The following SCHIP1 variants were observed in gnomAD, a reference collection of about 807,000 sequenced individuals.
SCHIP1 encodes schwannomin interacting protein 1, also known as schwannomin-interacting protein 1.
Under a neutral mutation model 29.7 loss-of-function variants are expected in SCHIP1, and 8 were observed. The observed-to-expected ratio is 0.27, with a 90% CI of 0.16 to 0.49. The LOEUF (loss-of-function observed/expected upper bound fraction) is 0.49, where lower values mean the gene tolerates loss of function less well. Among genes scored for constraint, SCHIP1 ranks in the 20% least tolerant of loss-of-function variants. The probability of loss-of-function intolerance (pLI) is 0.99; values close to 1 mark genes in which losing one functional copy is unlikely to be tolerated. For missense variants in SCHIP1, 193 were observed against 294.6 expected (o/e 0.66, Z 2.52); for synonymous variants, 76 against 94.9 (o/e 0.80, Z 1.16).
chr3:159,776,311 A>G, the SCHIP1 span, among the ~76,000 whole-genome samples: 3 of 143,910 alleles, frequency 2.1e-5, no homozygotes, highest in East Asian at 6.5e-4. Flanking sequence ...ATTTTGAACA[A>G]CTACATCTTA....
chr3:159,683,483 T>A, the SCHIP1 span, among the ~76,000 whole-genome samples: 1 of 152,160 alleles, frequency 6.6e-6, no homozygotes, highest in Non-Finnish European at 1.5e-5. Context: ...AGCTTCTAGA[T>A]TTTTCGTGCC....
chr3:159,285,497 A>G, the SCHIP1 span, among the ~76,000 whole-genome samples: 3 of 152,132 alleles, frequency 2.0e-5, no homozygotes, highest in African/African-American at 7.2e-5. Flanking sequence ...TTCACTAATC[A>G]AGAGCTCATT....
At chr3:159,594,788 T>A in the SCHIP1 span, among the ~76,000 whole-genome samples, 1 of 152,172 alleles carries the variant, frequency 6.6e-6, no homozygotes, top group Non-Finnish European at 1.5e-5. Flanking sequence ...ATACACAAAT[T>A]GTTCAGTCTG....
chr3:159,617,579 C>T, the SCHIP1 span, among the ~76,000 whole-genome samples: 2 of 152,168 alleles, frequency 1.3e-5, no homozygotes, highest in African/African-American at 4.8e-5. Context: ...GAGATTTTAT[C>T]TGCATAATAA....
intron 1 of SCHIP1, among the ~76,000 whole-genome samples, chr3:159,843,546 C>T (rs1262501812): frequency 2.2e-4 from 33 of 151,762 alleles, no homozygotes; most frequent in Admixed American, 2.2e-3. Flanking sequence ...TAAGGCAGGG[C>T]GTGGTGGCTC....
chr3:159,821,535 A>G, the SCHIP1 span, among the ~76,000 whole-genome samples: 1 of 152,216 alleles, frequency 6.6e-6, no homozygotes. Flanking sequence ...GTTTCTGTCC[A>G]TGTCTTCAAC....
chr3:159,465,656 A>G, the SCHIP1 span, among the ~76,000 whole-genome samples: 18 of 152,280 alleles, frequency 1.2e-4, no homozygotes, highest in African/African-American at 4.3e-4. Flanking sequence ...ACACTTAAAC[A>G]TTGATTTTAT....
the SCHIP1 span, among the ~76,000 whole-genome samples, chr3:159,349,656 C>A: frequency 6.6e-6 from 1 of 152,148 alleles, no homozygotes; most frequent in African/African-American, 2.4e-5. Context: ...TAAATAGCTT[C>A]TATCAAATAC....
chr3:159,467,710 G>A, the SCHIP1 span, among the ~76,000 whole-genome samples: 1 of 152,088 alleles, frequency 6.6e-6, no homozygotes, highest in African/African-American at 2.4e-5. Flanking sequence ...ATTGTATAAA[G>A]TCTTGCCAAT....
the SCHIP1 span, among the ~76,000 whole-genome samples, chr3:159,825,748 C>T: frequency 1.3e-5 from 2 of 151,906 alleles, no homozygotes; most frequent in Non-Finnish European, 2.9e-5. Flanking sequence ...AGCAAATCAA[C>T]GTTACAAATC....
At chr3:159,849,595 A>G (rs1577426240) in intron 1 of SCHIP1, among the ~76,000 whole-genome samples, 1 of 152,122 alleles carries the variant, frequency 6.6e-6, no homozygotes, top group African/African-American at 2.4e-5. Flanking sequence ...AGCCATTTGT[A>G]TGGTCTTTAG....
At chr3:159,344,251 G>C in the SCHIP1 span, among the ~76,000 whole-genome samples, 2 of 151,704 alleles carry the variant, frequency 1.3e-5, no homozygotes, top group Non-Finnish European at 2.9e-5. Flanking sequence ...AACCCAGGGG[G>C]CGGAGGTTGC....
the SCHIP1 span, among the ~76,000 whole-genome samples, chr3:159,725,974 G>A: frequency 6.6e-6 from 1 of 152,136 alleles, no homozygotes; most frequent in African/African-American, 2.4e-5. Flanking sequence ...GGATGATGGT[G>A]CTATACTACT....
At chr3:159,590,588 T>A in the SCHIP1 span, among the ~76,000 whole-genome samples, 1 of 145,414 alleles carries the variant, frequency 6.9e-6, no homozygotes. Context: ...AAAAAATAAA[T>A]AAAAATAAAG....
chr3:159,623,797 C>CCTA, the SCHIP1 span, among the ~76,000 whole-genome samples: 27,354 of 151,852 alleles, frequency 0.18, 7,078 homozygotes, highest in African/African-American at 0.57. Context: ...CCCATAAAAC[C>CCTA]CTAGGATCAC....
the SCHIP1 span, among the ~76,000 whole-genome samples, chr3:159,380,725 G>C: frequency 6.6e-6 from 1 of 151,994 alleles, no homozygotes; most frequent in African/African-American, 2.4e-5. Flanking sequence ...ATTGTCCCAG[G>C]GTTACAGATG....
the SCHIP1 span, among the ~76,000 whole-genome samples, chr3:159,819,881 C>T: frequency 1.3e-5 from 2 of 152,338 alleles, no homozygotes; most frequent in African/African-American, 4.8e-5. Flanking sequence ...CTTCCATCTT[C>T]CTGTCACCCT....
At chr3:159,698,670 G>T in the SCHIP1 span, among the ~76,000 whole-genome samples, 58 of 151,832 alleles carry the variant, frequency 3.8e-4, no homozygotes, top group African/African-American at 1.3e-3. Flanking sequence ...GCAGGGTCTT[G>T]CTCAGTCACC....
At chr3:159,304,043 C>T in the SCHIP1 span, among the ~76,000 whole-genome samples, 8 of 141,330 alleles carry the variant, frequency 5.7e-5, no homozygotes, top group East Asian at 2.3e-4. Flanking sequence ...CCCCAGAGTG[C>T]GATGTTCCCC....
Sources: gnomAD v4.1 joint callset for allele counts (sites outside exome capture counted in the v4.1 genomes callset) on GRCh38, gnomAD v4.1.1 for gene constraint, MANE v1.5 for transcripts, NCBI Gene and HGNC (gene_info 2026-07-23, HGNC 2026-07-21) for gene names.